Variants in SMC3 observed in about 807,000 individuals in gnomAD.
SMC3 encodes the protein structural maintenance of chromosomes protein 3.
SMC3 carries 20 observed loss-of-function variants against 171.8 expected under a neutral mutation model. That is an observed-to-expected ratio of 0.12 (90% CI 0.08 to 0.17). The LOEUF (loss-of-function observed/expected upper bound fraction) is 0.17, where lower values mean the gene tolerates loss of function less well. SMC3 is among the 10% of genes least tolerant of loss of function. The pLI is 1.00. For synonymous variants in SMC3, 464 were observed against 451.1 expected, an observed-to-expected ratio of 1.03 and a Z score of -0.36; for missense variants, 543 against 1,420.4, an observed-to-expected ratio of 0.38 and a Z score of 9.93.
At chr10:110,571,594 A>G (rs1267589693) in intron 2 of SMC3, among the ~76,000 whole-genome samples, 2 of 152,208 alleles carry the variant, frequency 1.3e-5, no homozygotes. Flanking sequence ...TTCACAATTC[A>G]GGAGTACCTG....
intron 25 of SMC3, 31 bp downstream of exon 25, chr10:110,602,209 C>T: frequency 6.4e-7 from 1 of 1,551,142 alleles, no homozygotes; most frequent in Non-Finnish European, 8.9e-7. Context: ...AAAACATACA[C>T]ACAGAGGACA....
At chr10:110,568,730 G>A (rs1860822108) in intron 1 of SMC3, among the ~76,000 whole-genome samples, 1 of 151,286 alleles carries the variant, frequency 6.6e-6, no homozygotes, top group Non-Finnish European at 1.5e-5. Context: ...ATAAAACCCA[G>A]CAGCATTGCC....
intron 2 of SMC3, among the ~76,000 whole-genome samples, chr10:110,570,231 C>T (rs776722062): frequency 6.6e-6 from 1 of 152,108 alleles, no homozygotes; most frequent in Non-Finnish European, 1.5e-5. Context: ...CTATCACATT[C>T]GGGATTAAGG....
intron 8 of SMC3, among the ~76,000 whole-genome samples, 195 bp downstream of exon 8, chr10:110,581,216 C>CTTTT (rs59798192): frequency 9.7e-6 from 1 of 103,182 alleles, no homozygotes; most frequent in Non-Finnish European, 2.0e-5. Flanking sequence ...CGCACACTGA[C>CTTTT]TTTTTTTTTT....
chr10:110,570,971 A>G (rs1860861922), intron 2 of SMC3, among the ~76,000 whole-genome samples: 1 of 152,254 alleles, frequency 6.6e-6, no homozygotes, highest in African/African-American at 2.4e-5. Flanking sequence ...TGATTGATGA[A>G]TGATGTTGAC....
At chr10:110,578,096 C>T (rs1054253085) in intron 6 of SMC3, among the ~76,000 whole-genome samples, 182 bp downstream of exon 6, 3 of 150,992 alleles carry the variant, frequency 2.0e-5, no homozygotes, top group Non-Finnish European at 2.9e-5. Context: ...TTTCTCAATA[C>T]GGAGTCTTGC....
intron 4 of SMC3, 41 bp downstream of exon 4, chr10:110,575,444 A>G: frequency 1.4e-6 from 2 of 1,400,590 alleles, no homozygotes; most frequent in Non-Finnish European, 2.0e-6. Context: ...TATTACATAT[A>G]TTTTAAAAAT....
At chr10:110,573,185 G>T (rs543633931) in intron 2 of SMC3, among the ~76,000 whole-genome samples, 5 of 152,112 alleles carry the variant, frequency 3.3e-5, no homozygotes, top group African/African-American at 4.8e-5. Flanking sequence ...ACCCTTTTAC[G>T]TATTGAATTG....
intron 20 of SMC3, 51 bp downstream of exon 20, chr10:110,598,341 T>C (rs536924546): frequency 1.3e-6 from 2 of 1,528,228 alleles, no homozygotes; most frequent in Admixed American, 1.7e-5. Flanking sequence ...ATTAATAATA[T>C]GGAAATATGA....
intron 19 of SMC3, 27 bp downstream of exon 19, chr10:110,596,577 T>TA: frequency 6.2e-7 from 1 of 1,605,594 alleles, no homozygotes; most frequent in Middle Eastern, 1.7e-4. Context: ...TGCATAGTGA[T>TA]AGATATTGTG....
chr10:110,567,922 C>G, intron 1 of SMC3, 91 bp downstream of exon 1: 1 of 1,453,144 alleles, frequency 6.9e-7, no homozygotes, highest in Non-Finnish European at 9.6e-7. Flanking sequence ...CAGCCTCTCC[C>G]CTGTCTCCAC....
chr10:110,595,129 T>C (rs993898780), intron 18 of SMC3, among the ~76,000 whole-genome samples: 3 of 151,906 alleles, frequency 2.0e-5, no homozygotes, highest in Non-Finnish European at 4.4e-5. Context: ...ATTACAGACA[T>C]GCGCCACTAT....
chr10:110,570,299 C>T (rs917094363), intron 2 of SMC3, among the ~76,000 whole-genome samples: 2 of 152,180 alleles, frequency 1.3e-5, no homozygotes, highest in East Asian at 1.9e-4. Context: ...GTGAGATTCA[C>T]ATTACTAATG....
rs148832992 is a variant in SMC3 at position 110,590,476 on chromosome 10, A to G, written c.1574A>G (p.Asn525Ser). 2 of 1,614,032 alleles carry G rather than the reference A, an allele frequency of 1.2e-6. No homozygotes were observed. The highest frequency in any genetic ancestry group is 1.3e-5 in the African/African-American group (1 of 75,062). ...VLDHFRRKGI[N>S]QHVQNGYHGI... The stretch of plus-strand genomic sequence containing the variant: ...GACCACTTCCGTCGAAAAGGAATAA[A>G]CCAGCATGTTCAAAATGGCTATCAT... The change falls in exon 16 of 29, where the codon AAC (asparagine) becomes AGC (serine). Residue 525 changes from asparagine (N) to serine (S), a missense_variant. Asn to Ser is a conservative substitution (Grantham distance 46). Transcript: ENST00000361804.
At chr10:110,577,203 A>G (rs980820058) in intron 4 of SMC3, among the ~76,000 whole-genome samples, 1 of 152,130 alleles carries the variant, frequency 6.6e-6, no homozygotes, top group Non-Finnish European at 1.5e-5. Context: ...TTTTGGCAAG[A>G]GGGATATATA....
chr10:110,595,220 T>G (rs969435865), intron 18 of SMC3, among the ~76,000 whole-genome samples: 8 of 152,120 alleles, frequency 5.3e-5, no homozygotes, highest in African/African-American at 1.9e-4. Flanking sequence ...CCTCAGGTGA[T>G]CTGCCTGCCT....
chr10:110,578,760 G>A, intron 7 of SMC3, 54 bp downstream of exon 7: 1 of 1,360,614 alleles, frequency 7.3e-7, no homozygotes, highest in Non-Finnish European at 1.0e-6. Flanking sequence ...AGTAATTCTT[G>A]AGTGATGAAT....
chr10:110,582,732 C>A, intron 10 of SMC3, 90 bp downstream of exon 10: 1 of 932,644 alleles, frequency 1.1e-6, no homozygotes, highest in South Asian at 1.4e-5. Context: ...ACAGTGGTGC[C>A]ATCATGGCTC....
chr10:110,602,761 A>C, intron 26 of SMC3, 64 bp from the exon 27 acceptor site: 1 of 1,574,124 alleles, frequency 6.4e-7, no homozygotes, highest in Non-Finnish European at 8.7e-7. Flanking sequence ...TATGCAAGTT[A>C]CTTTTGAAAG....
Sources: gnomAD v4.1 joint callset for allele counts (sites outside exome capture counted in the v4.1 genomes callset) on GRCh38, gnomAD v4.1.1 for gene constraint, MANE v1.5 for transcripts, NCBI Gene and HGNC (gene_info 2026-07-23, HGNC 2026-07-21) for gene names.